MFHAS1: variants seen among roughly 807,000 people sequenced by gnomAD.
The protein encoded by MFHAS1 is multifunctional ROCO family signaling regulator 1.
Under a neutral mutation model 70.4 loss-of-function variants are expected in MFHAS1, and 50 were observed. The observed-to-expected ratio is 0.71, with a 90% CI of 0.57 to 0.90. The LOEUF (loss-of-function observed/expected upper bound fraction) is 0.90. MFHAS1 is among the 40% of genes least tolerant of loss of function. MFHAS1 has a pLI of 0.00. For missense variants in MFHAS1, 1,795 were observed against 1,347.6 expected (o/e 1.33, Z -5.20); for synonymous variants, 952 against 620.0 (o/e 1.54, Z -7.96).
chr8:8,860,792 G>GAGAT (rs1808631520), intron 1 of MFHAS1, among the ~76,000 whole-genome samples: 1 of 152,196 alleles, frequency 6.6e-6, no homozygotes, highest in Admixed American at 6.5e-5. Flanking sequence ...AAGGGTGAGA[G>GAGAT]AGATGTTTGC....
intron 1 of MFHAS1, among the ~76,000 whole-genome samples, chr8:8,819,587 G>C (rs1034003264): frequency 7.4e-6 from 1 of 134,388 alleles, no homozygotes; most frequent in African/African-American, 2.8e-5. Flanking sequence ...CTAGGCGACA[G>C]AGCAAGACTC....
At chr8:8,847,441 C>A (rs1430902802) in intron 1 of MFHAS1, among the ~76,000 whole-genome samples, 1 of 152,154 alleles carries the variant, frequency 6.6e-6, no homozygotes, top group African/African-American at 2.4e-5. Context: ...CTTGGCCTGT[C>A]AAAGTGTTAA....
chr8:8,889,584 T>C (rs139574169), intron 1 of MFHAS1, among the ~76,000 whole-genome samples: 2 of 152,286 alleles, frequency 1.3e-5, no homozygotes, highest in East Asian at 3.9e-4. Flanking sequence ...ACCCCACAAA[T>C]ATACAAACCT....
chr8:8,797,118 G>A (rs1230808714), intron 2 of MFHAS1, among the ~76,000 whole-genome samples: 4 of 143,744 alleles, frequency 2.8e-5, no homozygotes, highest in African/African-American at 5.3e-5. Flanking sequence ...CAAAAAGGCT[G>A]TTAAAAAATG....
intron 1 of MFHAS1, among the ~76,000 whole-genome samples, chr8:8,833,262 G>A (rs1807475150): frequency 6.6e-6 from 1 of 152,190 alleles, no homozygotes; most frequent in Non-Finnish European, 1.5e-5. Flanking sequence ...TGAGATTTGT[G>A]TGGGGACATA....
chr8:8,798,349 A>G (rs1021314337), intron 1 of MFHAS1, among the ~76,000 whole-genome samples: 1 of 152,188 alleles, frequency 6.6e-6, no homozygotes, highest in Non-Finnish European at 1.5e-5. Context: ...TTTTGGAGAC[A>G]GGCTCTTGGT....
At chr8:8,795,562 G>C (rs1472003996) in intron 2 of MFHAS1, among the ~76,000 whole-genome samples, 2 of 152,202 alleles carry the variant, frequency 1.3e-5, no homozygotes, top group Non-Finnish European at 2.9e-5. Context: ...TTGGGTGTTC[G>C]GTGATATTTT....
At chr8:8,834,616 C>A (rs1563196241) in intron 1 of MFHAS1, among the ~76,000 whole-genome samples, 1 of 152,204 alleles carries the variant, frequency 6.6e-6, no homozygotes, top group Non-Finnish European at 1.5e-5. Flanking sequence ...ACCATATAGC[C>A]TAGGTGCATA....
chr8:8,892,024 C>T lies in MFHAS1; in HGVS notation c.1035G>A (p.Glu345=). Residue 345 remains glutamate (E), a synonymous_variant, in exon 1 of 3, where the codon GAG becomes GAA. Coordinates refer to ENST00000276282, the MANE Select transcript of MFHAS1 (RefSeq NM_004225.3). This position sits in a 1 kb window ranked among gnomAD's most constrained non-coding sequence, Gnocchi z 4.7. ...TCTGGTTCCCCTGCAGCACGAGCTC[C>T]TCCAGGCCGGTCAGCTCCACGATGG... ...PDSIVELTGL[E]ELVLQGNQIA... 6.2e-7 allele frequency: 1 copy of T among 1,613,614 alleles called. No individual in the cohort carries two copies. Among genetic ancestry groups the T allele is most frequent in the Non-Finnish European group, 8.5e-7 (1 of 1,180,028 alleles).
chr8:8,833,962 C>A (rs1240344677), intron 1 of MFHAS1, among the ~76,000 whole-genome samples: 1 of 152,010 alleles, frequency 6.6e-6, no homozygotes, highest in African/African-American at 2.4e-5. Flanking sequence ...CCCGTCTCTA[C>A]TAAAAATACA....
At chr8:8,793,498 A>C (rs1447549552) in intron 2 of MFHAS1, among the ~76,000 whole-genome samples, 3 of 152,186 alleles carry the variant, frequency 2.0e-5, no homozygotes, top group African/African-American at 7.2e-5. Context: ...AAAGCCAGCA[A>C]TCACCTAGGG....
At chr8:8,827,947 T>C (rs77377146) in intron 1 of MFHAS1, among the ~76,000 whole-genome samples, 3,319 of 152,312 alleles carry the variant, frequency 0.022, 114 homozygotes, top group African/African-American at 0.076. Flanking sequence ...AGTTTATTTT[T>C]ATCTAAGGAA....
intron 1 of MFHAS1, among the ~76,000 whole-genome samples, chr8:8,831,273 A>G (rs997815574): frequency 6.6e-6 from 1 of 152,112 alleles, no homozygotes; most frequent in Non-Finnish European, 1.5e-5. Flanking sequence ...TTGGGGCTTC[A>G]ACATATAATT....
chr8:8,840,415 C>A lies in MFHAS1; in HGVS notation c.2999-42924G>T, dbSNP rs1585045539. Among the ~76,000 whole-genome samples the A allele has an allele frequency of 2.7e-5, 4 of 150,344 alleles. No homozygotes were observed. The South Asian group carries it at 8.5e-4, about 32-fold the overall frequency. ...GAGCTTGCAGTGAGCCGAGATTGTG[C>A]CACTGCACTCTAGCCTGGGCCACAG... On this transcript the variant is annotated intron_variant, in intron 1 of 2. Coordinates refer to ENST00000276282, the MANE Select transcript of MFHAS1 (RefSeq NM_004225.3).
At chr8:8,851,828 C>T (rs1387825190) in intron 1 of MFHAS1, among the ~76,000 whole-genome samples, 1 of 152,082 alleles carries the variant, frequency 6.6e-6, no homozygotes, top group Non-Finnish European at 1.5e-5. Flanking sequence ...AGTTGTGATG[C>T]CCCCCGCAAA....
intron 2 of MFHAS1, 65 bp downstream of exon 2, chr8:8,797,300 G>C (rs760471850): frequency 1.3e-4 from 207 of 1,577,450 alleles, no homozygotes; most frequent in Non-Finnish European, 1.7e-4. Flanking sequence ...GGATTTTTGT[G>C]GTCATATCTA....
intron 1 of MFHAS1, among the ~76,000 whole-genome samples, chr8:8,880,320 G>C (rs1213002177): frequency 6.6e-6 from 1 of 152,216 alleles, no homozygotes. Context: ...AAGGTGCTTG[G>C]CTGAGATGTG....
chr8:8,816,752 T>A (rs1430238979), intron 1 of MFHAS1, among the ~76,000 whole-genome samples: 1 of 152,128 alleles, frequency 6.6e-6, no homozygotes, highest in East Asian at 1.9e-4. Flanking sequence ...TAGGTCAAAG[T>A]AGTTAAACAT....
At chr8:8,796,986 A>G (rs183265508) in intron 2 of MFHAS1, among the ~76,000 whole-genome samples, 248 of 152,186 alleles carry the variant, frequency 1.6e-3, no homozygotes, top group East Asian at 1.7e-3. Context: ...ACAGAGCGAG[A>G]CTCCATCTCA....
Sources: allele counts gnomAD v4.1 joint callset (sites outside exome capture counted in the v4.1 genomes callset), GRCh38; gene constraint gnomAD v4.1.1; non-coding constraint Gnocchi (gnomAD v3.1); transcripts MANE v1.5; gene names NCBI Gene and HGNC (gene_info 2026-07-23, HGNC 2026-07-21).